CCDC91: variants seen among roughly 807,000 people sequenced by gnomAD.
CCDC91 encodes the protein coiled-coil domain-containing protein 91.
In CCDC91, 48 loss-of-function variants were observed where a neutral mutation model predicts 63.2. The ratio of observed to expected loss-of-function variants is 0.76; its 90% CI spans 0.60 to 0.97. CCDC91 has a LOEUF of 0.97. CCDC91 is among the 50% of genes least tolerant of loss of function. CCDC91 has a pLI of 0.00. For missense variants in CCDC91, 500 were observed against 494.6 expected, an observed-to-expected ratio of 1.01 and a Z score of -0.10; for synonymous variants, 167 against 165.8, an observed-to-expected ratio of 1.01 and a Z score of -0.06.
intron 1 of CCDC91, among the ~76,000 whole-genome samples, chr12:28,229,790 GT>G (rs60699843): frequency 0.25 from 38,382 of 151,882 alleles, 5,365 homozygotes; most frequent in East Asian, 0.57. Context: ...ACATATTTTG[GT>G]TTTTTTAGCT....
At chr12:28,206,735 C>T (rs1226099055) in intron 1 of CCDC91, among the ~76,000 whole-genome samples, 1 of 152,214 alleles carries the variant, frequency 6.6e-6, no homozygotes, top group African/African-American at 2.4e-5. Flanking sequence ...TACTATTTAG[C>T]ATGACTTTTA....
At chr12:28,294,946 G>A (rs1213440348) in intron 3 of CCDC91, among the ~76,000 whole-genome samples, 1 of 152,098 alleles carries the variant, frequency 6.6e-6, no homozygotes, top group Admixed American at 6.6e-5. Context: ...ATGTGAGAAT[G>A]AATTAATAGT....
chr12:28,326,141 A>G (rs1393836725), intron 6 of CCDC91, among the ~76,000 whole-genome samples: 8 of 151,814 alleles, frequency 5.3e-5, no homozygotes, highest in African/African-American at 1.9e-4. Flanking sequence ...CCTCCAGTGG[A>G]CCCCTCATTT....
At chr12:28,536,363 T>C (rs1420883803) in intron 12 of CCDC91, among the ~76,000 whole-genome samples, 3 of 152,232 alleles carry the variant, frequency 2.0e-5, no homozygotes, top group Non-Finnish European at 4.4e-5. Flanking sequence ...AGAAAGATCA[T>C]TGGCCTATTC....
At chr12:28,245,147 A>G (rs1192939155) in intron 1 of CCDC91, among the ~76,000 whole-genome samples, 3 of 152,142 alleles carry the variant, frequency 2.0e-5, no homozygotes, top group East Asian at 3.9e-4. Context: ...CTCACTCACT[A>G]TCATAAAGAT....
chr12:28,477,271 C>G (rs957050600), intron 11 of CCDC91, among the ~76,000 whole-genome samples: 2 of 152,174 alleles, frequency 1.3e-5, no homozygotes, highest in African/African-American at 4.8e-5. Flanking sequence ...GCTTATCCAC[C>G]ATGATCAAGT....
intron 11 of CCDC91, among the ~76,000 whole-genome samples, chr12:28,454,185 A>G (rs1240499246): frequency 1.3e-5 from 2 of 152,008 alleles, no homozygotes; most frequent in Non-Finnish European, 2.9e-5. Flanking sequence ...CAGGACATTT[A>G]TTTCTTTGTT....
chr12:28,527,876 G>A (rs930370250), intron 12 of CCDC91, among the ~76,000 whole-genome samples: 3 of 152,074 alleles, frequency 2.0e-5, no homozygotes, highest in Non-Finnish European at 2.9e-5. Context: ...CCAGGAAACT[G>A]GGGGAAAGAC....
Position 28,549,183 on chromosome 12 carries a change from G to C in CCDC91, c.*10G>C. On this transcript the variant is annotated 3_prime_UTR_variant, in exon 13 of 13. Transcript: ENST00000536442. Reference sequence around the variant, plus strand: ...AGTTGACATTGAATAAAAAGAACATGACAAACCCACACTGGCATTGGATAA... The same window carrying C: ...AGTTGACATTGAATAAAAAGAACATCACAAACCCACACTGGCATTGGATAA... 1 of 1,460,096 alleles carries C rather than the reference G, an allele frequency of 6.8e-7. No homozygotes were observed. The highest frequency in any genetic ancestry group is 1.4e-5 in the African/African-American group (1 of 71,782). 90.4% of individuals were successfully genotyped at this position (1,460,096 alleles called of 1,614,324 possible). A position where few individuals can be genotyped will look rare whatever the true frequency, so the allele number is the denominator to read the frequency against.
intron 8 of CCDC91, among the ~76,000 whole-genome samples, chr12:28,433,615 G>A (rs1310595856): frequency 6.6e-6 from 1 of 151,820 alleles, no homozygotes; most frequent in Non-Finnish European, 1.5e-5. Context: ...TAGCTTTATA[G>A]TAAGTACTGA....
In CCDC91 at chr12:28,506,402, G is replaced by A. The variant is rs541081493; in HGVS notation, c.1215+22237G>A. ...CCACTGACTATGTAAATTCCAAGGA[G>A]GAAGCATCTAATTGAACTAGTTTGG... is the stretch of plus-strand genomic sequence containing the variant. On this transcript the variant is annotated intron_variant, in intron 12 of 12. Transcript: ENST00000536442. Among the ~76,000 whole-genome samples, 148 of 152,046 alleles carry A rather than the reference G, an allele frequency of 9.7e-4. 1 individual carries two copies. Among genetic ancestry groups the A allele is most frequent in the African/African-American group, 2.8e-3 (117 of 41,544 alleles).
chr12:28,327,398 A>C (rs1255994807), intron 6 of CCDC91, among the ~76,000 whole-genome samples: 1 of 152,082 alleles, frequency 6.6e-6, no homozygotes, highest in Non-Finnish European at 1.5e-5. Context: ...ATGTGTGTGT[A>C]AGGAGCAGAC....
At chr12:28,370,605 AT>A (rs1371417771) in intron 7 of CCDC91, among the ~76,000 whole-genome samples, 2 of 152,116 alleles carry the variant, frequency 1.3e-5, no homozygotes, top group East Asian at 3.9e-4. Flanking sequence ...TTGCTTCCAC[AT>A]TTTTAGGTGT....
chr12:28,328,386 A>AT (rs1418024171), intron 6 of CCDC91, among the ~76,000 whole-genome samples: 1 of 152,186 alleles, frequency 6.6e-6, no homozygotes, highest in Non-Finnish European at 1.5e-5. Context: ...AAAAATCAGA[A>AT]TTAGTGACTA....
chr12:28,483,607 G>C (rs1198702803), intron 11 of CCDC91, among the ~76,000 whole-genome samples: 2 of 152,046 alleles, frequency 1.3e-5, no homozygotes, highest in Non-Finnish European at 2.9e-5. Context: ...GACCAAACTA[G>C]CTGTAAATCT....
intron 11 of CCDC91, among the ~76,000 whole-genome samples, chr12:28,475,166 A>G (rs1951018542): frequency 6.6e-6 from 1 of 152,126 alleles, no homozygotes; most frequent in Non-Finnish European, 1.5e-5. Flanking sequence ...TATTCAAGAG[A>G]ATACAAGTAT....
In CCDC91 at chr12:28,535,219, T is replaced by C. The variant is rs1157529435; in HGVS notation, c.1216-13844T>C. Among the ~76,000 whole-genome samples, 4 of 152,204 alleles carry C rather than the reference T, an allele frequency of 2.6e-5. No individual in the cohort carries two copies. The East Asian group carries it at 7.7e-4, about 29-fold the overall frequency. ...CTTTTAAACTCCTTAGTATCTTTTA[T>C]TTAAAGAAATCTGGAACTACATCAG... On this transcript the variant is annotated intron_variant, in intron 12 of 12. Transcript: ENST00000536442.
intron 8 of CCDC91, among the ~76,000 whole-genome samples, chr12:28,442,365 A>G (rs1949271580): frequency 6.6e-6 from 1 of 152,110 alleles, no homozygotes; most frequent in East Asian, 1.9e-4. Context: ...ACGTTATACA[A>G]TAGACCAGAG....
intron 4 of CCDC91, among the ~76,000 whole-genome samples, chr12:28,306,309 C>T (rs1484102814): frequency 2.0e-5 from 3 of 151,990 alleles, no homozygotes; most frequent in East Asian, 1.9e-4. Context: ...AATTTTGAGT[C>T]ACCTGTTAAT....
Sources: allele counts gnomAD v4.1 joint callset (sites outside exome capture counted in the v4.1 genomes callset), GRCh38; gene constraint gnomAD v4.1.1; transcripts MANE v1.5; gene names NCBI Gene and HGNC (gene_info 2026-07-23, HGNC 2026-07-21).